NHSL2: variants seen among roughly 807,000 people sequenced by gnomAD.
The protein encoded by NHSL2 is NHS-like protein 2.
In NHSL2, 27 loss-of-function variants were observed where a neutral mutation model predicts 53.4. That is an observed-to-expected ratio of 0.51 (90% CI 0.37 to 0.70). The LOEUF (loss-of-function observed/expected upper bound fraction) is 0.70. Ranked by LOEUF, NHSL2 falls within the 30% of genes least tolerant of loss-of-function variation. NHSL2 has a pLI of 0.00. For synonymous variants in NHSL2, 408 were observed against 404.1 expected (o/e 1.01, Z -0.12); for missense variants, 892 against 980.1 (o/e 0.91, Z 1.20).
chrX:72,129,850 C>G, intron 1 of NHSL2: 3 of 1,195,263 alleles, frequency 2.5e-6, no homozygotes, highest in Non-Finnish European at 3.4e-6. Context: ...AATTCGGCCA[C>G]GAGCAGCTCG....
At chrX:71,952,573 G>C (rs768027236) in intron 1 of NHSL2, among the ~76,000 whole-genome samples, 4 of 111,059 alleles carry the variant, frequency 3.6e-5, no homozygotes, top group Non-Finnish European at 7.6e-5. Context: ...GGGTAAACAG[G>C]CTCCCTTCCC....
intron 1 of NHSL2, among the ~76,000 whole-genome samples, chrX:72,104,939 A>G (rs1442688597): frequency 8.9e-6 from 1 of 111,877 alleles, no homozygotes; most frequent in Non-Finnish European, 1.9e-5. Context: ...GGAGATATTG[A>G]TTTGCCTGCA....
chrX:71,919,387 G>A (rs778613478), intron 1 of NHSL2, among the ~76,000 whole-genome samples: 4 of 111,759 alleles, frequency 3.6e-5, no homozygotes, highest in Non-Finnish European at 7.5e-5. Flanking sequence ...AATGCCTGGT[G>A]CCTATGCTGC....
At chrX:71,992,092 A>G (rs1345384858) in intron 1 of NHSL2, among the ~76,000 whole-genome samples, 2 of 112,667 alleles carry the variant, frequency 1.8e-5, no homozygotes, top group African/African-American at 6.5e-5. Flanking sequence ...ACTGAGTCCC[A>G]CACATTTGGG....
At chrX:72,022,032 AT>A (rs2042162792) in intron 1 of NHSL2, among the ~76,000 whole-genome samples, 1 of 111,180 alleles carries the variant, frequency 9.0e-6, no homozygotes, top group Non-Finnish European at 1.9e-5. Context: ...TCTCTGGGAT[AT>A]TTTCTCGACC....
At chrX:72,125,757 A>T (rs2042219431) in intron 1 of NHSL2, among the ~76,000 whole-genome samples, 1 of 111,899 alleles carries the variant, frequency 8.9e-6, no homozygotes, top group South Asian at 3.7e-4. Flanking sequence ...GTGCTCACTG[A>T]TGAAGCCCAC....
At chrX:72,056,566 A>G (rs1033488960) in intron 1 of NHSL2, among the ~76,000 whole-genome samples, 1 of 111,927 alleles carries the variant, frequency 8.9e-6, no homozygotes. Context: ...ACACACACAC[A>G]CACACACACA....
chrX:72,075,886 G>T (rs1224327078), intron 1 of NHSL2, among the ~76,000 whole-genome samples: 4 of 99,945 alleles, frequency 4.0e-5, no homozygotes, highest in Admixed American at 3.4e-4. Context: ...TGTGGAGGGG[G>T]TCTTGGGGGA....
intron 6 of NHSL2, chrX:72,140,984 G>A: frequency 2.8e-6 from 1 of 360,549 alleles, no homozygotes; most frequent in Non-Finnish European, 4.9e-6. Context: ...AGATCTCCAA[G>A]GCCCAGTTTA....
chrX:71,973,203 C>G (rs1310769957), intron 1 of NHSL2, among the ~76,000 whole-genome samples: 1 of 111,918 alleles, frequency 8.9e-6, no homozygotes, highest in African/African-American at 3.3e-5. Context: ...GCAGTCTGTC[C>G]CACGTCCTGC....
chrX:72,069,268 G>T (rs2042451234), intron 1 of NHSL2, among the ~76,000 whole-genome samples: 1 of 111,215 alleles, frequency 9.0e-6, no homozygotes, highest in East Asian at 2.9e-4. Context: ...GGTCCCGGGG[G>T]GTGCCTGTGC....
chrX:72,149,866 C>T lies in NHSL2; in HGVS notation c.*6292C>T, dbSNP rs773198179. The T allele has an allele frequency of 8.9e-6, 1 of 112,294 alleles. No individual in the cohort carries two copies. Among genetic ancestry groups the T allele is most frequent in the Non-Finnish European group, 1.9e-5 (1 of 53,275 alleles). 9.3% of individuals were successfully genotyped at this position (112,294 alleles called of 1,213,427 possible). A position where few individuals can be genotyped will look rare whatever the true frequency, so the allele number is the denominator to read the frequency against. On this transcript the variant is annotated 3_prime_UTR_variant, in exon 8 of 8. Coordinates refer to ENST00000633930, the MANE Select transcript of NHSL2 (RefSeq NM_001013627.3). ...AGGGACCAACCTCTCTCATTTCACA[C>T]ATGAGGAAGCTGAGGCCCAGAAAGG...
intron 1 of NHSL2, among the ~76,000 whole-genome samples, chrX:72,067,483 C>T (rs2042437963): frequency 8.9e-6 from 1 of 111,797 alleles, no homozygotes; most frequent in African/African-American, 3.3e-5. Flanking sequence ...AGCTTAAAGT[C>T]CATGTTTACA....
chrX:72,066,137 G>C (rs1037255616), intron 1 of NHSL2, among the ~76,000 whole-genome samples: 3 of 111,534 alleles, frequency 2.7e-5, no homozygotes, highest in Non-Finnish European at 5.6e-5. Context: ...TTCATTGAAG[G>C]GGTCTGGGGA....
At chrX:72,085,857 C>T (rs974518820) in intron 1 of NHSL2, among the ~76,000 whole-genome samples, 1 of 110,147 alleles carries the variant, frequency 9.1e-6, no homozygotes, top group Non-Finnish European at 1.9e-5. Context: ...CCCTCTCCCC[C>T]ACCTTTGTGC....
At chrX:72,081,092 C>G (rs966680694) in intron 1 of NHSL2, among the ~76,000 whole-genome samples, 6 of 112,294 alleles carry the variant, frequency 5.3e-5, no homozygotes, top group African/African-American at 1.9e-4. Context: ...TTTAGTTGGC[C>G]CTTTGCATCA....
At position 72,148,664 on chromosome X, in the gene NHSL2, G is replaced by T. The variant is rs1351928057; in HGVS notation, c.*5090G>T. On this transcript the variant is annotated 3_prime_UTR_variant, in exon 8 of 8. Transcript: ENST00000633930. ...AAATAGTTATAGACACACATTTGGG[G>T]CATTTTTAATAAGGTTAGCAAGAAG... 1 of 111,461 alleles carries T rather than the reference G, an allele frequency of 9.0e-6. No individual in the cohort carries two copies. The highest frequency in any genetic ancestry group is 1.9e-5 in the Non-Finnish European group (1 of 53,102). The allele number at this position is 111,461 out of a possible 1,213,427, so 9.2% of individuals were successfully genotyped here.
In NHSL2 at chrX:72,151,573, C is replaced by G. The variant is rs954886506; in HGVS notation, c.*7999C>G. On this transcript the variant is annotated 3_prime_UTR_variant, in exon 8 of 8. Transcript: ENST00000633930. ...AGAGTGTCCTTCATGAGCTCTCTCT[C>G]TCTCTCATTACTGACTACCTCAGTG... The G allele has an allele frequency of 1.2e-4, 14 of 112,139 alleles. No individual in the cohort carries two copies. Among genetic ancestry groups the G allele is most frequent in the Non-Finnish European group, 3.8e-5 (2 of 53,203 alleles). 9.2% of individuals were successfully genotyped at this position (112,139 alleles called of 1,213,427 possible).
chrX:71,952,760 C>T (rs769776947), intron 1 of NHSL2, among the ~76,000 whole-genome samples: 1 of 111,041 alleles, frequency 9.0e-6, no homozygotes, highest in East Asian at 2.8e-4. Context: ...TTCAGTTTCA[C>T]CTTCCTGTTG....
Sources: gnomAD v4.1 joint callset for allele counts (sites outside exome capture counted in the v4.1 genomes callset) on GRCh38, gnomAD v4.1.1 for gene constraint, MANE v1.5 for transcripts, NCBI Gene and HGNC (gene_info 2026-07-23, HGNC 2026-07-21) for gene names.